Variants in LRRC69 observed in about 807,000 individuals in gnomAD.
LRRC69 encodes the protein leucine rich repeat containing 69, also known as leucine-rich repeat-containing protein 69.
A neutral mutation model predicts 37.8 loss-of-function variants in LRRC69; 42 were observed. The ratio of observed to expected loss-of-function variants is 1.11; its 90% confidence interval spans 0.87 to 1.44. The LOEUF (loss-of-function observed/expected upper bound fraction) is 1.44. Ranked by LOEUF, LRRC69 falls within the 40% of genes most tolerant of loss-of-function variation. The probability of loss-of-function intolerance (pLI) is 0.00; values close to 1 mark genes in which losing one functional copy is unlikely to be tolerated. For synonymous variants in LRRC69, 141 were observed against 143.1 expected (o/e 0.99, Z 0.11); for missense variants, 357 against 401.9 (o/e 0.89, Z 0.96).
chr8:91,203,108 G>A (rs1809738153), intron 7 of LRRC69, among the ~76,000 whole-genome samples: 1 of 152,058 alleles, frequency 6.6e-6, no homozygotes, highest in African/African-American at 2.4e-5. Context: ...TTAAGTATGA[G>A]ACTCCTGCAA....
chr8:91,116,833 A>C (rs977743442), intron 1 of LRRC69, among the ~76,000 whole-genome samples: 1 of 152,048 alleles, frequency 6.6e-6, no homozygotes, highest in African/African-American at 2.4e-5. Context: ...CAGTATTGTC[A>C]TTAATAATCT....
At chr8:91,204,415 A>C (rs1050355405) in intron 7 of LRRC69, among the ~76,000 whole-genome samples, 1 of 152,252 alleles carries the variant, frequency 6.6e-6, no homozygotes, top group Non-Finnish European at 1.5e-5. Context: ...GAGTAAATCC[A>C]CTGTGGAGCA....
chr8:91,108,741 T>G (rs1484861134), intron 1 of LRRC69, among the ~76,000 whole-genome samples: 1 of 152,084 alleles, frequency 6.6e-6, no homozygotes, highest in Non-Finnish European at 1.5e-5. Context: ...TTTATTTATT[T>G]ATTTTTAAGC....
At chr8:91,173,317 C>T (rs1282204989) in intron 5 of LRRC69, among the ~76,000 whole-genome samples, 1 of 150,930 alleles carries the variant, frequency 6.6e-6, no homozygotes, top group East Asian at 1.9e-4. Flanking sequence ...GGTAAAAGCT[C>T]TTCCTTGGGC....
chr8:91,149,926 A>G (rs1254813689), intron 5 of LRRC69, among the ~76,000 whole-genome samples: 2 of 152,022 alleles, frequency 1.3e-5, no homozygotes, highest in East Asian at 1.9e-4. Context: ...ATGTTTGCAC[A>G]TTGATTTTGT....
chr8:91,105,458 C>A (rs1301291204), intron 1 of LRRC69, among the ~76,000 whole-genome samples: 1 of 151,724 alleles, frequency 6.6e-6, no homozygotes, highest in African/African-American at 2.4e-5. Flanking sequence ...CCAAGGTGGG[C>A]AGATTGATTG....
At chr8:91,116,494 C>A (rs1386884803) in intron 1 of LRRC69, among the ~76,000 whole-genome samples, 1 of 151,374 alleles carries the variant, frequency 6.6e-6, no homozygotes, top group Non-Finnish European at 1.5e-5. Flanking sequence ...TATTCCATTT[C>A]ATTTTGTGAG....
chr8:91,184,294 C>T (rs528630620), intron 5 of LRRC69, among the ~76,000 whole-genome samples: 10 of 152,104 alleles, frequency 6.6e-5, no homozygotes, highest in South Asian at 2.1e-4. Flanking sequence ...CCCCCCACCC[C>T]GAATTTAAAT....
rs116364424 is a variant in LRRC69 at position 91,162,460 on chromosome 8, A to G, written c.651+26721A>G. On this transcript the variant is annotated intron_variant, in intron 5 of 7. Transcript: ENST00000448384. ...GTGTTGGGTGCATATACATTTACATATGTTATATCCTCTTACTGAATTAAT... is the reference window on the plus strand; with the variant it reads ...GTGTTGGGTGCATATACATTTACATGTGTTATATCCTCTTACTGAATTAAT... 4.4e-3 allele frequency among the ~76,000 whole-genome samples: 670 copies of G among 151,396 alleles called. 8 individuals carry two copies. Among genetic ancestry groups the G allele is most frequent in the African/African-American group, 0.015 (622 of 41,448 alleles).
intron 1 of LRRC69, among the ~76,000 whole-genome samples, chr8:91,116,600 C>T (rs1813514964): frequency 6.6e-6 from 1 of 151,638 alleles, no homozygotes. Context: ...TAGTAAATTC[C>T]TTTTAAAGAT....
At chr8:91,126,248 T>TC (rs1491265865) in intron 2 of LRRC69, among the ~76,000 whole-genome samples, 1 of 152,036 alleles carries the variant, frequency 6.6e-6, no homozygotes, top group Non-Finnish European at 1.5e-5. Flanking sequence ...TGTCATATTT[T>TC]CTCTTTCTTG....
chr8:91,179,824 T>C (rs569477271), intron 5 of LRRC69, among the ~76,000 whole-genome samples: 3 of 152,314 alleles, frequency 2.0e-5, no homozygotes, highest in Non-Finnish European at 4.4e-5. Flanking sequence ...TGAAAGACAA[T>C]GTGACATGGT....
intron 5 of LRRC69, chr8:91,158,893 T>C: frequency 1.7e-6 from 1 of 602,142 alleles, no homozygotes; most frequent in Non-Finnish European, 3.0e-6. Context: ...CTTTGTGCAT[T>C]TGTGGGGGAA....
chr8:91,186,225 T>A (rs1809405527), intron 5 of LRRC69, among the ~76,000 whole-genome samples: 1 of 152,206 alleles, frequency 6.6e-6, no homozygotes, highest in East Asian at 1.9e-4. Context: ...CTTGCATTAG[T>A]CACGTAAGTC....
intron 5 of LRRC69, among the ~76,000 whole-genome samples, chr8:91,149,575 T>C (rs1464095304): frequency 6.6e-6 from 1 of 152,050 alleles, no homozygotes; most frequent in African/African-American, 2.4e-5. Flanking sequence ...TGGGCTCTTT[T>C]TTGGTTCCAT....
chr8:91,190,650 T>C (rs1376371713), intron 6 of LRRC69, among the ~76,000 whole-genome samples: 1 of 152,174 alleles, frequency 6.6e-6, no homozygotes, highest in African/African-American at 2.4e-5. Flanking sequence ...GACATCTTTT[T>C]TGATGAATAC....
chr8:91,196,765 T>C (rs1303260207), intron 6 of LRRC69, among the ~76,000 whole-genome samples: 3 of 151,326 alleles, frequency 2.0e-5, no homozygotes, highest in Admixed American at 1.3e-4. Context: ...TTTCAAAGTT[T>C]TCAACTTCTT....
chr8:91,149,269 T>A (rs1319957390), intron 5 of LRRC69, among the ~76,000 whole-genome samples: 1 of 152,038 alleles, frequency 6.6e-6, no homozygotes, highest in Non-Finnish European at 1.5e-5. Context: ...GTATAAGGTG[T>A]AAGGAAGGGA....
intron 5 of LRRC69, among the ~76,000 whole-genome samples, chr8:91,155,344 A>C (rs1210997903): frequency 6.6e-6 from 1 of 150,928 alleles, no homozygotes; most frequent in African/African-American, 2.4e-5. Flanking sequence ...AAAATTTTTA[A>C]GCAACACATA....
Sources: allele counts gnomAD v4.1 joint callset (sites outside exome capture counted in the v4.1 genomes callset), GRCh38; gene constraint gnomAD v4.1.1; transcripts MANE v1.5; gene names NCBI Gene and HGNC (gene_info 2026-07-23, HGNC 2026-07-21).